CNTNAP2: variants seen among roughly 807,000 people sequenced by gnomAD.
The protein encoded by CNTNAP2 is contactin associated protein 2.
Under a neutral mutation model 155.2 loss-of-function variants are expected in CNTNAP2, and 98 were observed. The observed-to-expected ratio is 0.63, with a 90% CI of 0.54 to 0.75. The LOEUF (loss-of-function observed/expected upper bound fraction) is 0.75, where lower values mean the gene tolerates loss of function less well. CNTNAP2 is among the 30% of genes least tolerant of loss of function. The probability of loss-of-function intolerance (pLI) is 0.00; values close to 1 mark genes in which losing one functional copy is unlikely to be tolerated. For synonymous variants in CNTNAP2, 651 were observed against 631.2 expected, an observed-to-expected ratio of 1.03 and a Z score of -0.47; for missense variants, 1,727 against 1,688.1, an observed-to-expected ratio of 1.02 and a Z score of -0.40.
At chr7:147,615,310 A>G (rs13244823) in intron 12 of CNTNAP2, among the ~76,000 whole-genome samples, 1 of 115,384 alleles carries the variant, frequency 8.7e-6, no homozygotes, top group Non-Finnish European at 1.8e-5. Flanking sequence ...AAAAAAAAAA[A>G]GACTACATCT....
intron 2 of CNTNAP2, among the ~76,000 whole-genome samples, chr7:146,777,578 T>C (rs1328568421): frequency 2.0e-5 from 3 of 152,084 alleles, no homozygotes; most frequent in Non-Finnish European, 4.4e-5. Flanking sequence ...TTTTTTTTTT[T>C]TTTAAGACAG....
chr7:147,541,779 T>C (rs1304127605), intron 11 of CNTNAP2, among the ~76,000 whole-genome samples: 1 of 152,160 alleles, frequency 6.6e-6, no homozygotes, highest in Non-Finnish European at 1.5e-5. Flanking sequence ...TTAAAATGAG[T>C]TTGATCTTTC....
At chr7:148,081,435 C>T (rs112030566) in intron 15 of CNTNAP2, among the ~76,000 whole-genome samples, 7,808 of 151,970 alleles carry the variant, frequency 0.051, 254 homozygotes, top group Admixed American at 0.11. Context: ...GCTGCCAGCA[C>T]GGCTAGAATA....
At chr7:148,142,093 C>CTCTGTGTG (rs1554476721) in intron 16 of CNTNAP2, among the ~76,000 whole-genome samples, 6 of 136,328 alleles carry the variant, frequency 4.4e-5, no homozygotes, top group African/African-American at 1.1e-4. Flanking sequence ...AGATATGTCT[C>CTCTGTGTG]TGTGTGTGTG....
intron 14 of CNTNAP2, among the ~76,000 whole-genome samples, chr7:147,953,104 C>T (rs142507601): frequency 6.6e-6 from 1 of 152,160 alleles, no homozygotes; most frequent in Non-Finnish European, 1.5e-5. Context: ...CTTTGCCTCT[C>T]AAATTTGATG....
At chr7:147,326,411 G>A (rs1477725213) in intron 9 of CNTNAP2, among the ~76,000 whole-genome samples, 3 of 152,132 alleles carry the variant, frequency 2.0e-5, no homozygotes, top group African/African-American at 7.2e-5. Flanking sequence ...CATTGTATGT[G>A]TCTATCACAT....
chr7:147,907,361 T>C (rs1268660138), intron 14 of CNTNAP2, among the ~76,000 whole-genome samples: 2 of 152,176 alleles, frequency 1.3e-5, no homozygotes, highest in East Asian at 3.9e-4. Flanking sequence ...CAGCCATGAA[T>C]GTTTTTTATA....
At chr7:146,839,957 A>G (rs1035323878) in intron 3 of CNTNAP2, 53 bp downstream of exon 3, 32 of 1,586,768 alleles carry the variant, frequency 2.0e-5, no homozygotes, top group Non-Finnish European at 2.7e-5. Flanking sequence ...AAATATTAGA[A>G]AATGGTACAG....
At chr7:146,423,987 T>C (rs1183208856) in intron 1 of CNTNAP2, among the ~76,000 whole-genome samples, 1 of 152,186 alleles carries the variant, frequency 6.6e-6, no homozygotes, top group Non-Finnish European at 1.5e-5. Flanking sequence ...GTTAATTCTT[T>C]TGAGTATTAA....
chr7:147,306,456 T>G (rs771920220), intron 9 of CNTNAP2, among the ~76,000 whole-genome samples: 1 of 152,190 alleles, frequency 6.6e-6, no homozygotes, highest in Non-Finnish European at 1.5e-5. Flanking sequence ...GGACCACGTA[T>G]AGAATTGCAA....
chr7:146,297,910 T>TAA (rs151199848), intron 1 of CNTNAP2, among the ~76,000 whole-genome samples: 1 of 151,974 alleles, frequency 6.6e-6, no homozygotes, highest in African/African-American at 2.4e-5. Flanking sequence ...CACACGTAAA[T>TAA]AAAAAAAACT....
intron 2 of CNTNAP2, among the ~76,000 whole-genome samples, chr7:146,813,435 C>T (rs954840849): frequency 2.0e-5 from 3 of 152,144 alleles, no homozygotes; most frequent in Admixed American, 6.5e-5. Flanking sequence ...TTAATGACTG[C>T]CCTATTGGAT....
At chr7:148,018,604 G>A (rs1802222631) in intron 15 of CNTNAP2, among the ~76,000 whole-genome samples, 1 of 152,208 alleles carries the variant, frequency 6.6e-6, no homozygotes, top group African/African-American at 2.4e-5. Flanking sequence ...AACATTCAGG[G>A]TATGTTGGGA....
intron 1 of CNTNAP2, among the ~76,000 whole-genome samples, chr7:146,399,945 GTATAATAAT>G (rs917017622): frequency 3.9e-5 from 6 of 152,074 alleles, no homozygotes; most frequent in African/African-American, 1.2e-4. Context: ...AATTCTGTTA[GTATAATAAT>G]TATAACACTT....
At chr7:146,235,717 G>A (rs1468962589) in intron 1 of CNTNAP2, among the ~76,000 whole-genome samples, 3 of 152,056 alleles carry the variant, frequency 2.0e-5, no homozygotes, top group African/African-American at 4.8e-5. Flanking sequence ...CTCTCAGCCC[G>A]TTGGAAGTCA....
chr7:147,588,570 T>C (rs1800677086), intron 12 of CNTNAP2, among the ~76,000 whole-genome samples: 1 of 152,162 alleles, frequency 6.6e-6, no homozygotes, highest in Non-Finnish European at 1.5e-5. Flanking sequence ...AAGAAAATTA[T>C]CAACCTGTAA....
chr7:147,828,820 A>C (rs1354853551), intron 13 of CNTNAP2, among the ~76,000 whole-genome samples: 1 of 152,216 alleles, frequency 6.6e-6, no homozygotes, highest in Non-Finnish European at 1.5e-5. Context: ...TAATATAAAA[A>C]TAATAATACC....
At chr7:147,871,943 G>A (rs1347249448) in intron 13 of CNTNAP2, among the ~76,000 whole-genome samples, 1 of 152,010 alleles carries the variant, frequency 6.6e-6, no homozygotes, top group East Asian at 1.9e-4. Flanking sequence ...CATGCTCCTG[G>A]GTAATGCTTT....
chr7:146,158,760 C>T (rs1309472460), intron 1 of CNTNAP2, among the ~76,000 whole-genome samples: 1 of 152,146 alleles, frequency 6.6e-6, no homozygotes, highest in Non-Finnish European at 1.5e-5. Flanking sequence ...ACCAAATCTA[C>T]GTCTGACTGG....
Sources: gnomAD v4.1 joint callset for allele counts (sites outside exome capture counted in the v4.1 genomes callset) on GRCh38, gnomAD v4.1.1 for gene constraint, MANE v1.5 for transcripts, NCBI Gene and HGNC (gene_info 2026-07-23, HGNC 2026-07-21) for gene names.